Variants in SNAPC1 observed in about 807,000 individuals in gnomAD.
SNAPC1 encodes the protein small nuclear RNA activating complex polypeptide 1.
A neutral mutation model predicts 50.1 loss-of-function variants in SNAPC1; 42 were observed. The ratio of observed to expected loss-of-function variants is 0.84; its 90% CI spans 0.65 to 1.08. The LOEUF is 1.08. Among genes scored for constraint, SNAPC1 ranks in the 50% least tolerant of loss-of-function variants. The pLI, the probability that SNAPC1 is intolerant of heterozygous loss-of-function variation, is 0.00. For missense variants in SNAPC1, 477 were observed against 427.3 expected, an observed-to-expected ratio of 1.12 and a Z score of -1.02; for synonymous variants, 164 against 144.2, an observed-to-expected ratio of 1.14 and a Z score of -0.98.
intron 4 of SNAPC1, among the ~76,000 whole-genome samples, chr14:61,773,707 T>A (rs1172077760): frequency 1.7e-4 from 25 of 147,462 alleles, no homozygotes; most frequent in African/African-American, 4.5e-4. Flanking sequence ...TTTTTTTTTT[T>A]TTATTTTTTA....
chr14:61,780,522 G>A (rs1374774821), intron 7 of SNAPC1, among the ~76,000 whole-genome samples: 1 of 152,082 alleles, frequency 6.6e-6, no homozygotes, highest in Non-Finnish European at 1.5e-5. Flanking sequence ...CCCTTTGCCC[G>A]TTTTTTAACG....
At chr14:61,773,035 T>C (rs2045005025) in intron 4 of SNAPC1, among the ~76,000 whole-genome samples, 2 of 152,350 alleles carry the variant, frequency 1.3e-5, no homozygotes, top group South Asian at 2.1e-4. Context: ...TGATAATTCT[T>C]AAATTTAATA....
At chr14:61,778,993 T>G (rs2045053530) in intron 7 of SNAPC1, 83 bp downstream of exon 7, 2 of 768,842 alleles carry the variant, frequency 2.6e-6, no homozygotes, top group Non-Finnish European at 2.2e-6. Context: ...TAGTAATACA[T>G]GTACTTAGTT....
chr14:61,777,525 G>A (rs1006294430), intron 5 of SNAPC1, among the ~76,000 whole-genome samples: 4 of 151,944 alleles, frequency 2.6e-5, no homozygotes, highest in Admixed American at 6.6e-5. Flanking sequence ...TTGCAGACAC[G>A]TGCCACCATG....
At chr14:61,780,288 TCTC>T (rs2045062771) in intron 7 of SNAPC1, among the ~76,000 whole-genome samples, 1 of 152,152 alleles carries the variant, frequency 6.6e-6, no homozygotes, top group South Asian at 2.1e-4. Flanking sequence ...AGAGGCCTCA[TCTC>T]CTTCCTCACC....
At chr14:61,762,886 CCA>C (rs2044917343) in intron 1 of SNAPC1, among the ~76,000 whole-genome samples, 1 of 151,940 alleles carries the variant, frequency 6.6e-6, no homozygotes, top group African/African-American at 2.4e-5. Flanking sequence ...TTGCCCTTCC[CCA>C]GTCTTGTTCT....
Position 61,777,295 on chromosome 14 carries a change from C to A in SNAPC1, c.694-777C>A, listed in dbSNP as rs149705654. Among the ~76,000 whole-genome samples the A allele has an allele frequency of 1.7e-4, 26 of 152,262 alleles. No individual in the cohort carries two copies. The East Asian group carries it at 4.3e-3, about 25-fold the overall frequency. On this transcript the variant is annotated intron_variant, in intron 5 of 9. Transcript: ENST00000216294. ...TTATTTTAATGAGAGATAGCAAGTT[C>A]TAGAATGTTTGGATACTTTAAGTCC...
chr14:61,794,274 T>C (rs2045172637), intron 9 of SNAPC1, among the ~76,000 whole-genome samples: 1 of 152,194 alleles, frequency 6.6e-6, no homozygotes. Flanking sequence ...ATGAAACAAC[T>C]TCACAGTAAC....
At chr14:61,764,113 T>C (rs957671487) in intron 1 of SNAPC1, among the ~76,000 whole-genome samples, 1 of 152,186 alleles carries the variant, frequency 6.6e-6, no homozygotes, top group African/African-American at 2.4e-5. Context: ...TTTGTATTTT[T>C]AGTAGAGACG....
At chr14:61,768,124 T>A (rs1047375885) in intron 3 of SNAPC1, among the ~76,000 whole-genome samples, 6 of 152,214 alleles carry the variant, frequency 3.9e-5, no homozygotes, top group African/African-American at 1.4e-4. Flanking sequence ...AATTACTACT[T>A]TTTTTTCTGC....
intron 3 of SNAPC1, among the ~76,000 whole-genome samples, chr14:61,768,326 G>T (rs1566587465): frequency 1.3e-5 from 2 of 151,330 alleles, no homozygotes; most frequent in Non-Finnish European, 3.0e-5. Context: ...AATAGCATTT[G>T]TTTTTTTTTA....
chr14:61,773,988 C>T (rs879855322), intron 4 of SNAPC1, among the ~76,000 whole-genome samples: 3 of 152,096 alleles, frequency 2.0e-5, no homozygotes, highest in Non-Finnish European at 4.4e-5. Context: ...GGATTACAGG[C>T]ATGAGCCATC....
Position 61,795,200 on chromosome 14 carries a change from A to C in SNAPC1, c.*217A>C, listed in dbSNP as rs2045180410. 2.0e-6 allele frequency: 1 copy of C among 501,268 alleles called. No individual in the cohort carries two copies. The highest frequency in any genetic ancestry group is 3.8e-5 in the Admixed American group (1 of 26,012). The allele number at this position is 501,268 out of a possible 1,614,324, so 31.1% of individuals were successfully genotyped here. The stretch of plus-strand genomic sequence containing the variant: ...TTTCTTTAATGATTTGCATAAATGG[A>C]GATAAAACTTGTATTTAGTATGTAA... On this transcript the variant is annotated 3_prime_UTR_variant, in exon 10 of 10. Transcript: ENST00000216294.
chr14:61,782,435 G>C, intron 8 of SNAPC1, 38 bp downstream of exon 8: 1 of 1,532,184 alleles, frequency 6.5e-7, no homozygotes, highest in Non-Finnish European at 8.9e-7. Context: ...CAACAAAGGA[G>C]AATGGGTTTT....
Position 61,772,523 on chromosome 14 carries a change from G to A in SNAPC1, c.535-3572G>A, listed in dbSNP as rs143980485. Reference sequence around the variant, plus strand: ...CTCCCAAAGTGCTGGGATTATAGGCGTGAATCACTACGCCTGGCCCATGCT... The same window carrying A: ...CTCCCAAAGTGCTGGGATTATAGGCATGAATCACTACGCCTGGCCCATGCT... On this transcript the variant is annotated intron_variant, in intron 4 of 9. Transcript: ENST00000216294. 1.8e-4 allele frequency among the ~76,000 whole-genome samples: 28 copies of A among 151,986 alleles called. No individual in the cohort carries two copies. In the East Asian group the frequency reaches 2.5e-3, roughly 14 times the overall value.
rs909021360 is a variant in SNAPC1, at chr14:61,778,104, A to G, written c.726A>G (p.Gly242=). The change falls in exon 6 of 10, where the codon GGA becomes GGG. Residue 242 remains glycine (G), a synonymous_variant. Coordinates refer to ENST00000216294, the MANE Select transcript of SNAPC1 (RefSeq NM_003082.4). The part of the protein sequence containing the change: ...NPSLKSKTND[G]EEKMEGNSQE... Reference sequence around the variant, plus strand: ...CCTTAAAGTCAAAAACTAATGATGGAGAAGAAAAAATGGAAGGAAATTCAC... The same window carrying G: ...CCTTAAAGTCAAAAACTAATGATGGGGAAGAAAAAATGGAAGGAAATTCAC... 3 of 1,604,530 alleles carry G rather than the reference A, an allele frequency of 1.9e-6. No individual in the cohort carries two copies. Among genetic ancestry groups the G allele is most frequent in the Non-Finnish European group, 2.6e-6 (3 of 1,174,844 alleles).
chr14:61,768,633 T>C lies in SNAPC1; in HGVS notation c.430-3T>C, dbSNP rs1477022463. 6.0e-6 allele frequency: 9 copies of C among 1,489,000 alleles called. No homozygotes were observed. In the African/African-American group the frequency reaches 9.7e-5, roughly 16 times the overall value. 92.2% of individuals were successfully genotyped at this position (1,489,000 alleles called of 1,614,324 possible). A position where few individuals can be genotyped will look rare whatever the true frequency, so the allele number is the denominator to read the frequency against. On this transcript the variant is annotated splice_polypyrimidine_tract_variant and splice_region_variant and intron_variant, in intron 3 of 9. Transcript: ENST00000216294. ...ATTTAAAAAGACACGTATTATCACA[T>C]AGCTGTCATATAGGATGAAGAAAAA...
At chr14:61,772,999 T>TAG (rs2045004776) in intron 4 of SNAPC1, among the ~76,000 whole-genome samples, 1 of 152,248 alleles carries the variant, frequency 6.6e-6, no homozygotes. Flanking sequence ...TCTTTTGTCC[T>TAG]AGCATAGCCT....
chr14:61,788,264 G>A (rs10133477), intron 8 of SNAPC1, among the ~76,000 whole-genome samples: 53,473 of 151,982 alleles, frequency 0.35, 9,949 homozygotes, highest in African/African-American at 0.46. Context: ...CTAAGGTATT[G>A]TAAATACTCT....
Sources: allele counts gnomAD v4.1 joint callset (sites outside exome capture counted in the v4.1 genomes callset), GRCh38; gene constraint gnomAD v4.1.1; transcripts MANE v1.5; gene names NCBI Gene and HGNC (gene_info 2026-07-23, HGNC 2026-07-21).